HEATR1: variants seen among roughly 807,000 people sequenced by gnomAD.
HEATR1 encodes the protein HEAT repeat-containing protein 1.
In HEATR1, 77 loss-of-function variants were observed where a neutral mutation model predicts 248.2. The ratio of observed to expected loss-of-function variants is 0.31; its 90% confidence interval spans 0.26 to 0.37. HEATR1 has a LOEUF of 0.37. Ranked by LOEUF, HEATR1 falls within the 10% of genes least tolerant of loss-of-function variation. The pLI is 1.00. For synonymous variants in HEATR1, 897 were observed against 923.1 expected, an observed-to-expected ratio of 0.97 and a Z score of 0.51; for missense variants, 2,420 against 2,504.9, an observed-to-expected ratio of 0.97 and a Z score of 0.72.
intron 29 of HEATR1, among the ~76,000 whole-genome samples, chr1:236,567,742 A>C (rs571658660): frequency 6.6e-6 from 1 of 152,182 alleles, no homozygotes; most frequent in Non-Finnish European, 1.5e-5. Flanking sequence ...ATGTGTGAAA[A>C]GATAACAGGA....
At chr1:236,577,069 G>T in intron 20 of HEATR1, 120 bp from the exon 21 acceptor site, 1 of 699,772 alleles carries the variant, frequency 1.4e-6, no homozygotes, top group Non-Finnish European at 2.3e-6. Context: ...CTCCTTCTCT[G>T]TTCACTGTTT....
chr1:236,560,197 G>A (rs544089402), intron 33 of HEATR1, among the ~76,000 whole-genome samples: 1 of 152,032 alleles, frequency 6.6e-6, no homozygotes, highest in East Asian at 1.9e-4. Context: ...CTAGGTTAAT[G>A]GCAGGTGTGT....
At chr1:236,602,913 A>AT in intron 3 of HEATR1, 3 of 407,356 alleles carry the variant, frequency 7.4e-6, no homozygotes, top group Non-Finnish European at 1.3e-5. Context: ...GCCCAGCAAG[A>AT]CTCTATCTCA....
chr1:236,559,643 C>G (rs187283743), intron 34 of HEATR1, 71 bp downstream of exon 34: 345 of 1,483,632 alleles, frequency 2.3e-4, no homozygotes, highest in Non-Finnish European at 2.9e-4. Context: ...TTCTTAAAAA[C>G]TTTACATAAT....
At chr1:236,553,398 C>T in intron 43 of HEATR1, among the ~76,000 whole-genome samples, 183 bp downstream of exon 43, 1 of 152,292 alleles carries the variant, frequency 6.6e-6, no homozygotes, top group Admixed American at 6.5e-5. Context: ...AAGTAAAAAA[C>T]AAAATTTTCT....
intron 20 of HEATR1, among the ~76,000 whole-genome samples, chr1:236,577,352 T>C (rs959169481): frequency 2.6e-5 from 4 of 152,210 alleles, no homozygotes; most frequent in Admixed American, 2.0e-4. Context: ...GGTTTCACCA[T>C]GTTGGCCAGG....
chr1:236,576,253 T>A lies in HEATR1; in HGVS notation c.3050A>T (p.Asp1017Val), dbSNP rs1345350045. Residue 1017 changes from aspartate to valine, a missense_variant, in exon 22 of 45, where the codon GAT (aspartate) becomes GTT (valine). Transcript: ENST00000366582. The stretch of plus-strand genomic sequence containing the variant: ...GACTCCCTGAAGTACTTTCATCAAA[T>A]CTTTTGCTATATAAGATGGGCAACT... ...VYSCPSYIAK[D>V]LMKVLQGVNG... 4 of 1,607,494 alleles carry A rather than the reference T, an allele frequency of 2.5e-6. No individual in the cohort carries two copies. The highest frequency in any genetic ancestry group is 3.4e-6 in the Non-Finnish European group (4 of 1,178,252).
Position 236,581,382 on chromosome 1 carries a change from C to G in HEATR1, c.2595G>C (p.Lys865Asn). Residue 865 changes from lysine to asparagine, a missense_variant, in exon 20 of 45, where the codon AAG (lysine) becomes AAC (asparagine). Physicochemically the swap from Lys to Asn is moderately conservative, Grantham distance 94 (BLOSUM62 0). Coordinates refer to ENST00000366582, the MANE Select transcript of HEATR1 (RefSeq NM_018072.6). Reference protein sequence around the residue: ...VHLEDVFQLFKFCSVLWTYGS... With the variant: ...VHLEDVFQLFNFCSVLWTYGS... ...CATAGGTCCATAAAACAGAACAGAA[C>G]TTGAATAACTGAAAAACATCTTCTA... 1 of 1,546,716 alleles carries G rather than the reference C, an allele frequency of 6.5e-7. No homozygotes were observed. Among genetic ancestry groups the G allele is most frequent in the Non-Finnish European group, 8.7e-7 (1 of 1,153,182 alleles).
At chr1:236,564,464 A>G in intron 32 of HEATR1, 34 bp downstream of exon 32, 1 of 1,595,198 alleles carries the variant, frequency 6.3e-7, no homozygotes, top group South Asian at 1.1e-5. Context: ...ACAGCAGAAT[A>G]CCTTTTTATA....
In HEATR1 at chr1:236,553,746, A is replaced by G. The variant is rs758977429; in HGVS notation, c.6079-7T>C. Reference sequence around the variant, plus strand: ...CCCCAAGCCTGTTTTCCAGCTAGGAAGAGTAAGACAAAGACTTTGAACAAC... The same window carrying G: ...CCCCAAGCCTGTTTTCCAGCTAGGAGGAGTAAGACAAAGACTTTGAACAAC... On this transcript the variant is annotated splice_polypyrimidine_tract_variant and splice_region_variant and intron_variant, in intron 42 of 44. Coordinates refer to ENST00000366582, the MANE Select transcript of HEATR1 (RefSeq NM_018072.6). 20 of 1,607,806 alleles carry G rather than the reference A, an allele frequency of 1.2e-5. No individual in the cohort carries two copies. The highest frequency in any genetic ancestry group is 1.7e-5 in the Admixed American group (1 of 58,776).
chr1:236,566,295 C>T (rs963161890), intron 30 of HEATR1, among the ~76,000 whole-genome samples: 1 of 152,182 alleles, frequency 6.6e-6, no homozygotes, highest in Non-Finnish European at 1.5e-5. Flanking sequence ...GGACGCTCCT[C>T]TATTTCCCCA....
chr1:236,557,185 C>G lies in HEATR1; in HGVS notation c.5355+10G>C. ...ACCCTGCGTAGCATGTCGTGGCTAT[C>G]GTGGCTCACCTGGGAGAGAATGCCT... On this transcript the variant is annotated intron_variant, in intron 37 of 44. Coordinates refer to ENST00000366582, the MANE Select transcript of HEATR1 (RefSeq NM_018072.6). 6.2e-7 allele frequency: 1 copy of G among 1,613,276 alleles called. No individual in the cohort carries two copies. The highest frequency in any genetic ancestry group is 8.5e-7 in the Non-Finnish European group (1 of 1,179,640).
intron 10 of HEATR1, among the ~76,000 whole-genome samples, 171 bp from the exon 11 acceptor site, chr1:236,592,281 T>C (rs1664058653): frequency 6.6e-6 from 1 of 152,206 alleles, no homozygotes; most frequent in Non-Finnish European, 1.5e-5. Flanking sequence ...TGTGTTACTA[T>C]GACTACTCCA....
chr1:236,568,030 A>T (rs1479627472), intron 29 of HEATR1, among the ~76,000 whole-genome samples: 1 of 152,246 alleles, frequency 6.6e-6, no homozygotes, highest in Non-Finnish European at 1.5e-5. Flanking sequence ...TACCTGTCTC[A>T]ACCCTCTGCT....
Position 236,567,327 on chromosome 1 carries a change from CT to C in HEATR1, c.4078-452del, listed in dbSNP as rs372574323. Among the ~76,000 whole-genome samples, 521 of 152,302 alleles carry C rather than the reference CT, an allele frequency of 3.4e-3. 2 individuals are homozygous for C. The highest frequency in any genetic ancestry group is 0.012 in the African/African-American group (495 of 41,556). On this transcript the variant is annotated intron_variant, in intron 29 of 44. Coordinates refer to ENST00000366582, the MANE Select transcript of HEATR1 (RefSeq NM_018072.6). ...CTAACAATAAATATTCAGTAAGTACCTGTCATGTCCCAAGCGCTACTTAGCC... is the reference window on the plus strand; with the variant it reads ...CTAACAATAAATATTCAGTAAGTACCGTCATGTCCCAAGCGCTACTTAGCC...
At position 236,576,807 on chromosome 1, in the gene HEATR1, G is replaced by C. The variant is rs760228304; in HGVS notation, c.2898C>G (p.Ile966Met). 5 of 1,613,630 alleles carry C rather than the reference G, an allele frequency of 3.1e-6. No homozygotes were observed. The East Asian group carries it at 6.7e-5, about 22-fold the overall frequency. The change falls in exon 21 of 45, where the codon ATC becomes ATG. Residue 966 changes from isoleucine to methionine, a missense_variant. Coordinates refer to ENST00000366582, the MANE Select transcript of HEATR1 (RefSeq NM_018072.6). ...GAATAACATAGGCAGCATCTGAAGT[G>C]ATCTCCTCTGCTTTAGAAATCAAAT... is the stretch of plus-strand genomic sequence containing the variant. ...IDHLISKAEE[I>M]TSDAAYVIQD...
chr1:236,572,827 A>G lies in HEATR1; in HGVS notation c.3461T>C (p.Ile1154Thr). ...AQTVSSVFKG[I>T]SVNAEQVRIE... ...TCGGACTTGTTCAGCATTAACGGAA[A>G]TCTGAAATATTGAAGGAAGAAGAGT... is the stretch of plus-strand genomic sequence containing the variant. Residue 1154 changes from isoleucine (I) to threonine (T), a missense_variant and splice_region_variant, in exon 25 of 45, where the codon ATT (isoleucine) becomes ACT (threonine). By Grantham distance (89) the Ile-to-Thr change is moderately conservative. Coordinates refer to ENST00000366582, the MANE Select transcript of HEATR1 (RefSeq NM_018072.6). 1 of 1,612,388 alleles carries G rather than the reference A, an allele frequency of 6.2e-7. No individual in the cohort carries two copies. Among genetic ancestry groups the G allele is most frequent in the South Asian group, 1.1e-5 (1 of 91,020 alleles).
chr1:236,559,004 C>T lies in HEATR1; in HGVS notation c.4902G>A (p.Lys1634=). The change falls in exon 35 of 45, where the codon AAG becomes AAA. Residue 1634 remains lysine, a synonymous_variant. Transcript: ENST00000366582. The part of the protein sequence containing the change: ...NNKLQQNISW[K]KTIVTRFLKL... ...CTGGGTCTTCACTCACTATTGTCTT[C>T]TTCCAGGATATATTTTGCTGCAGCT... 2 of 1,607,362 alleles carry T rather than the reference C, an allele frequency of 1.2e-6. No homozygotes were observed. Among genetic ancestry groups the T allele is most frequent in the East Asian group, 2.2e-5 (1 of 44,802 alleles).
intron 1 of HEATR1, 115 bp from the exon 2 acceptor site, chr1:236,604,242 G>T: frequency 1.3e-6 from 1 of 761,400 alleles, no homozygotes; most frequent in Non-Finnish European, 1.9e-6. Context: ...GGTGTCCTGA[G>T]ATTTGTGGAC....
Sources: gnomAD v4.1 joint callset for allele counts (sites outside exome capture counted in the v4.1 genomes callset) on GRCh38, gnomAD v4.1.1 for gene constraint, MANE v1.5 for transcripts, NCBI Gene and HGNC (gene_info 2026-07-23, HGNC 2026-07-21) for gene names.